TREH: variants seen among roughly 807,000 people sequenced by gnomAD.
TREH encodes the protein trehalase, also known as alpha,alpha-trehalose glucohydrolase.
TREH carries 69 observed loss-of-function variants against 80.5 expected under a neutral mutation model. The ratio of observed to expected loss-of-function variants is 0.86; its 90% CI spans 0.71 to 1.05. The LOEUF (loss-of-function observed/expected upper bound fraction) is 1.05. Ranked by LOEUF, TREH falls within the 50% of genes least tolerant of loss-of-function variation. The pLI is 0.00. For synonymous variants in TREH, 309 were observed against 293.5 expected, an observed-to-expected ratio of 1.05 and a Z score of -0.54; for missense variants, 716 against 718.8, an observed-to-expected ratio of 1.00 and a Z score of 0.04.
intron 1 of TREH, 127 bp from the exon 2 acceptor site, chr11:118,663,566 C>CGT: frequency 1.3e-6 from 1 of 740,762 alleles, no homozygotes; most frequent in Non-Finnish European, 2.2e-6. Context: ...GCTGTGTGTG[C>CGT]GTGCGTGTGT....
At chr11:118,663,560 T>C in intron 1 of TREH, 121 bp from the exon 2 acceptor site, 1 of 781,912 alleles carries the variant, frequency 1.3e-6, no homozygotes, top group East Asian at 2.7e-5. Context: ...ACAAGGGCTG[T>C]GTGTGCGTGC....
At chr11:118,678,407 C>T (rs1426276496) in intron 1 of TREH, among the ~76,000 whole-genome samples, 6 of 152,042 alleles carry the variant, frequency 3.9e-5, no homozygotes, top group African/African-American at 7.3e-5. Context: ...CTTGTTGCCC[C>T]GACTGGAGTG....
intron 1 of TREH, among the ~76,000 whole-genome samples, chr11:118,668,303 AAT>A (rs1949397715): frequency 2.0e-5 from 3 of 152,028 alleles, no homozygotes; most frequent in Non-Finnish European, 2.9e-5. Context: ...AAAAAAAAAA[AAT>A]AAAACTATGG....
At chr11:118,667,023 C>T (rs1217121879) in intron 1 of TREH, among the ~76,000 whole-genome samples, 8 of 151,970 alleles carry the variant, frequency 5.3e-5, no homozygotes, top group East Asian at 1.9e-4. Flanking sequence ...GCTGGGATTA[C>T]GGGCATGTGC....
chr11:118,658,701 C>T lies in TREH; in HGVS notation c.1578G>A (p.Gly526=), dbSNP rs1279927003. ...TCACCTGAACTTCATATTCTCCTCC[C>T]CCACCGGGCTGTCCACCGTTGCTGA... ...YDVSNGGQPG[G]GGEYEVQEGF... The change falls in exon 14 of 15, where the codon GGG becomes GGA. Residue 526 remains glycine, a synonymous_variant. Transcript: ENST00000264029. The T allele has an allele frequency of 3.1e-6, 5 of 1,600,366 alleles. No homozygotes were observed. In the Admixed American group the frequency reaches 6.9e-5, roughly 22 times the overall value.
Position 118,679,559 on chromosome 11 carries a change from G to C in TREH, c.69C>G (p.Ala23=). ...LLGLGLGSQE[A]LPPPCESEIY... ...CCTACCTCTCACAGGGTGGGGGTAG[G>C]GCCTCCTGGGACCCCAGTCCCAGCC... The change falls in exon 1 of 15, where the codon GCC becomes GCG. Residue 23 remains alanine (A), a synonymous_variant. Coordinates refer to ENST00000264029, the MANE Select transcript of TREH (RefSeq NM_007180.3). 6.5e-7 allele frequency: 1 copy of C among 1,544,336 alleles called. No individual in the cohort carries two copies. Among genetic ancestry groups the C allele is most frequent in the Non-Finnish European group, 8.8e-7 (1 of 1,141,876 alleles).
Position 118,660,880 on chromosome 11 carries a change from T to G in TREH, c.893A>C (p.Asp298Ala), listed in dbSNP as rs1555144829. 6 of 1,570,332 alleles carry G rather than the reference T, an allele frequency of 3.8e-6. No homozygotes were observed. The highest frequency in any genetic ancestry group is 2.4e-5 in the East Asian group (1 of 42,518). ...ESYSKDVELADTLPEGDREAL... is the reference protein window; with the variant it reads ...ESYSKDVELAATLPEGDREAL... ...CTGCTGCTCACCTTCTGGCAAGGTGTCAGCCAACTCCACATCTTTGCTGTA... is the reference window on the plus strand; with the variant it reads ...CTGCTGCTCACCTTCTGGCAAGGTGGCAGCCAACTCCACATCTTTGCTGTA... The change falls in exon 9 of 15, where the codon GAC becomes GCC. Residue 298 changes from aspartate to alanine, a missense_variant. Asp to Ala is a moderately radical substitution (Grantham distance 126, BLOSUM62 -2). Coordinates refer to ENST00000264029, the MANE Select transcript of TREH (RefSeq NM_007180.3).
At chr11:118,670,017 C>A (rs1449424567) in intron 1 of TREH, among the ~76,000 whole-genome samples, 6 of 151,404 alleles carry the variant, frequency 4.0e-5, no homozygotes, top group African/African-American at 1.5e-4. Context: ...AAAAAAAGAA[C>A]AAAACAAAAC....
rs1555144286 is a variant in TREH, at chr11:118,659,370, C to T, written c.1432G>A (p.Gly478Ser). The T allele has an allele frequency of 6.4e-7, 1 of 1,564,214 alleles. No individual in the cohort carries two copies. Reference protein sequence around the residue: ...WAPLQDLVIRGLAKAPLRRAQ... With the variant: ...WAPLQDLVIRSLAKAPLRRAQ... ...GGCTGTGTCAGCCCTGCCTCCCTACCTCTGATGACCAGGTCCTGCAGGGGG... is the reference window on the plus strand; with the variant it reads ...GGCTGTGTCAGCCCTGCCTCCCTACTTCTGATGACCAGGTCCTGCAGGGGG... The change falls in exon 12 of 15, where the codon GGC becomes AGC. Residue 478 changes from glycine (G) to serine (S), a missense_variant and splice_region_variant. Coordinates refer to ENST00000264029, the MANE Select transcript of TREH (RefSeq NM_007180.3).
intron 1 of TREH, among the ~76,000 whole-genome samples, chr11:118,678,100 C>T (rs1287203645): frequency 6.6e-6 from 1 of 152,172 alleles, no homozygotes; most frequent in African/African-American, 2.4e-5. Context: ...CGGACCTGTT[C>T]CCACTCTGCC....
In TREH at chr11:118,679,606, G is replaced by GC; in HGVS notation, c.21dup (p.Leu8AlafsTer22). 1 of 1,546,872 alleles carries GC rather than the reference G, an allele frequency of 6.5e-7. No individual in the cohort carries two copies. Among genetic ancestry groups the GC allele is most frequent in the Non-Finnish European group, 8.8e-7 (1 of 1,142,780 alleles). ...AGCCCCAGCAGCAGTAGCAGGCACA[G>GC]CTCCCAGGTCCTCCCTGGCATGGTG... is the stretch of plus-strand genomic sequence containing the variant. On this transcript the variant is annotated frameshift_variant, in exon 1 of 15. Coordinates refer to ENST00000264029, the MANE Select transcript of TREH (RefSeq NM_007180.3). LOFTEE classifies it high-confidence loss of function.
chr11:118,667,006 C>G (rs903436073), intron 1 of TREH, among the ~76,000 whole-genome samples: 2 of 152,050 alleles, frequency 1.3e-5, no homozygotes, highest in Admixed American at 1.3e-4. Flanking sequence ...CCTCAGCCTC[C>G]CGAGTAGCTG....
At chr11:118,659,125 C>T (rs1949271510) in intron 12 of TREH, 108 bp from the exon 13 acceptor site, 1 of 1,230,526 alleles carries the variant, frequency 8.1e-7, no homozygotes, top group South Asian at 1.4e-5. Flanking sequence ...GGCCCTAAGA[C>T]TTCCTTCCTG....
intron 1 of TREH, among the ~76,000 whole-genome samples, chr11:118,677,852 A>G (rs1300623422): frequency 1.3e-5 from 2 of 152,240 alleles, no homozygotes; most frequent in African/African-American, 4.8e-5. Context: ...CAAACAGCCT[A>G]ATGCTTGACA....
At chr11:118,667,288 C>T (rs533115646) in intron 1 of TREH, among the ~76,000 whole-genome samples, 124 of 152,290 alleles carry the variant, frequency 8.1e-4, no homozygotes, top group Non-Finnish European at 1.3e-3. Context: ...AGGTAATCCT[C>T]CCACCTCAGC....
intron 1 of TREH, among the ~76,000 whole-genome samples, chr11:118,663,671 A>G (rs1949350534): frequency 6.6e-6 from 1 of 152,164 alleles, no homozygotes; most frequent in South Asian, 2.1e-4. Flanking sequence ...CGACTGCCTG[A>G]GCCCACACTG....
rs782648133 is a variant in TREH at position 118,663,119 on chromosome 11, C to T, written c.268G>A (p.Val90Ile). 6.2e-7 allele frequency: 1 copy of T among 1,613,984 alleles called. No homozygotes were observed. The highest frequency in any genetic ancestry group is 1.3e-5 in the African/African-American group (1 of 75,032). The change falls in exon 3 of 15, where the codon GTC becomes ATC. Residue 90 changes from valine (V) to isoleucine (I), a missense_variant. By Grantham distance (29) the Val-to-Ile change is conservative. Coordinates refer to ENST00000264029, the MANE Select transcript of TREH (RefSeq NM_007180.3). ...CCCTTGGCCTGGAAGTGTTCGTGGA[C>T]AAACGCCTGCAGCTGCTCCCTGGGG... The part of the protein sequence containing the change: ...SIPREQLQAF[V>I]HEHFQAKGQE...
Position 118,660,701 on chromosome 11 carries a change from C to T in TREH, c.940G>A (p.Ala314Thr). Residue 314 changes from alanine (A) to threonine (T), a missense_variant, in exon 10 of 15, where the codon GCT becomes ACT. Transcript: ENST00000264029. ...DREALWAELK[A>T]GAESGWDFSS... The stretch of plus-strand genomic sequence containing the variant: ...AAGTCCCAGCCAGACTCAGCCCCAG[C>T]CTTGAGCTCAGCCCACAGAGCCTCC... 1 of 1,597,600 alleles carries T rather than the reference C, an allele frequency of 6.3e-7. No individual in the cohort carries two copies. The highest frequency in any genetic ancestry group is 8.5e-7 in the Non-Finnish European group (1 of 1,172,098).
In TREH at chr11:118,661,720, G is replaced by A; in HGVS notation, c.534C>T (p.Tyr178=). The part of the protein sequence containing the change: ...RFVEFYYWDS[Y]WVMEGLLLSE... Reference sequence around the variant, plus strand: ...AGAGGAGCAGACCCTCCATGACCCAGTAGGAGTCCCTGGGGAAGGGGCAGC... The same window carrying A: ...AGAGGAGCAGACCCTCCATGACCCAATAGGAGTCCCTGGGGAAGGGGCAGC... Residue 178 remains tyrosine, a synonymous_variant, in exon 6 of 15, where the codon TAC becomes TAT. Coordinates refer to ENST00000264029, the MANE Select transcript of TREH (RefSeq NM_007180.3). The surrounding 1 kb of genome is among the most constrained non-coding windows in gnomAD (Gnocchi z 4.2). 1 of 1,613,910 alleles carries A rather than the reference G, an allele frequency of 6.2e-7. No individual in the cohort carries two copies. Among genetic ancestry groups the A allele is most frequent in the Non-Finnish European group, 8.5e-7 (1 of 1,179,872 alleles).
Sources: allele counts gnomAD v4.1 joint callset (sites outside exome capture counted in the v4.1 genomes callset), GRCh38; gene constraint gnomAD v4.1.1; non-coding constraint Gnocchi (gnomAD v3.1); transcripts MANE v1.5; gene names NCBI Gene and HGNC (gene_info 2026-07-23, HGNC 2026-07-21).